PLA2G6: variants seen among roughly 807,000 people sequenced by gnomAD.
The protein encoded by PLA2G6 is 85/88 kDa calcium-independent phospholipase A2.
A neutral mutation model predicts 83.8 loss-of-function variants in PLA2G6; 62 were observed. The ratio of observed to expected loss-of-function variants is 0.74; its 90% confidence interval spans 0.60 to 0.91. The LOEUF (loss-of-function observed/expected upper bound fraction) is 0.91, where lower values mean the gene tolerates loss of function less well. Ranked by LOEUF, PLA2G6 falls within the 40% of genes least tolerant of loss-of-function variation. PLA2G6 has a pLI of 0.00. For missense variants in PLA2G6, 944 were observed against 1,102.0 expected, an observed-to-expected ratio of 0.86 and a Z score of 2.03; for synonymous variants, 417 against 449.8, an observed-to-expected ratio of 0.93 and a Z score of 0.92.
intron 10 of PLA2G6, chr22:38,125,664 T>G: frequency 2.1e-6 from 1 of 470,620 alleles, no homozygotes; most frequent in Non-Finnish European, 4.4e-6. Flanking sequence ...GCAAGTCACT[T>G]CACCTCTCAG....
Position 38,143,061 on chromosome 22 carries a change from C to T in PLA2G6, c.609+44G>A, listed in dbSNP as rs377725147. 1.6e-4 allele frequency: 249 copies of T among 1,576,094 alleles called. No homozygotes were observed. In the African/African-American group the frequency reaches 1.8e-3, roughly 11 times the overall value. On this transcript the variant is annotated intron_variant, in intron 4 of 16. Transcript: ENST00000332509. ...GGGGCCCAAAGGGAACCGTGGACAC[C>T]GGGAGGTATCAGTACCAGTCACCCT...
rs1477542238 is a variant in PLA2G6, at chr22:38,113,566, A to ACAT, written c.2120_2122dup (p.Asp707dup). 1 of 1,613,916 alleles carries ACAT rather than the reference A, an allele frequency of 6.2e-7. No individual in the cohort carries two copies. Among genetic ancestry groups the ACAT allele is most frequent in the African/African-American group, 1.3e-5 (1 of 74,932 alleles). ...CTCCCAGGGGTTGCTGGGACGGAAG[A>ACAT]CATCCACACAGGTCACAGGCACTTG... On this transcript the variant is annotated inframe_insertion, in exon 15 of 17. Transcript: ENST00000332509.
At chr22:38,159,372 C>A (rs1219061676) in intron 2 of PLA2G6, among the ~76,000 whole-genome samples, 1 of 152,142 alleles carries the variant, frequency 6.6e-6, no homozygotes, top group Non-Finnish European at 1.5e-5. Context: ...GTTTTAAAAG[C>A]TTCCCACAAA....
intron 1 of PLA2G6, among the ~76,000 whole-genome samples, chr22:38,180,775 G>C (rs977720754): frequency 2.6e-5 from 4 of 152,150 alleles, no homozygotes; most frequent in African/African-American, 7.2e-5. Context: ...GCAGACTTAC[G>C]AGGGCAGGAG....
At chr22:38,115,457 G>T in intron 14 of PLA2G6, 70 bp downstream of exon 14, 1 of 1,470,168 alleles carries the variant, frequency 6.8e-7, no homozygotes, top group Non-Finnish European at 9.5e-7. Context: ...TCGGTCCCTA[G>T]CATGGTTTGC....
chr22:38,171,824 A>G, intron 1 of PLA2G6, among the ~76,000 whole-genome samples: 1 of 108,768 alleles, frequency 9.2e-6, no homozygotes, highest in Non-Finnish European at 1.9e-5. Context: ...TCCGTCTCAG[A>G]AAAAAAAAAA....
At chr22:38,145,846 T>C (rs906893976) in intron 2 of PLA2G6, 193 bp from the exon 3 acceptor site, 9 of 541,590 alleles carry the variant, frequency 1.7e-5, no homozygotes, top group Non-Finnish European at 2.9e-5. Context: ...CCTATACACA[T>C]GTAAATGACA....
chr22:38,115,951 C>G, intron 13 of PLA2G6, 124 bp downstream of exon 13: 1 of 1,481,730 alleles, frequency 6.7e-7, no homozygotes, highest in Non-Finnish European at 9.3e-7. Context: ...CAATAAAGAC[C>G]AGTGCAGCGG....
chr22:38,113,452 G>A (rs1343867930), intron 15 of PLA2G6, 35 bp downstream of exon 15: 2 of 1,607,858 alleles, frequency 1.2e-6, no homozygotes, highest in African/African-American at 2.7e-5. Context: ...TACAGACCCT[G>A]AGGGAAGTGG....
At position 38,164,200 on chromosome 22, in the gene PLA2G6, G is replaced by GC. The variant is rs977225440; in HGVS notation, c.209+5017dup. Among the ~76,000 whole-genome samples the GC allele has an allele frequency of 6.4e-4, 97 of 152,256 alleles. 1 individual carries two copies. The highest frequency in any genetic ancestry group is 1.6e-3 in the Admixed American group (24 of 15,294). On this transcript the variant is annotated intron_variant, in intron 2 of 16. Coordinates refer to ENST00000332509, the MANE Select transcript of PLA2G6 (RefSeq NM_003560.4). ...GGGGGCTCACACGGGGAGAGCCAGG[G>GC]CCCCCGCACCATAGGTCAGGCAGGA... is the stretch of plus-strand genomic sequence containing the variant.
chr22:38,125,956 G>A (rs1416272741), intron 10 of PLA2G6, among the ~76,000 whole-genome samples: 1 of 152,208 alleles, frequency 6.6e-6, no homozygotes, highest in Admixed American at 6.5e-5. Context: ...GTATACAGCA[G>A]GTGCTGGGGA....
intron 10 of PLA2G6, chr22:38,125,578 C>A: frequency 1.4e-5 from 6 of 441,328 alleles, no homozygotes; most frequent in Non-Finnish European, 4.7e-6. Context: ...AGAGAGCCTG[C>A]GGTAGCACAA....
rs545560908 is a variant in PLA2G6, at chr22:38,178,586, C to T, written c.-46+3078G>A. On this transcript the variant is annotated intron_variant, in intron 1 of 16. Coordinates refer to ENST00000332509, the MANE Select transcript of PLA2G6 (RefSeq NM_003560.4). ...ACCCTGTCTTAAAACAAAACAAGGC[C>T]GGGCGCGGTGGCTCACACCAGTAAT... 7.8e-4 allele frequency among the ~76,000 whole-genome samples: 119 copies of T among 152,054 alleles called. 1 individual carries two copies. The highest frequency in any genetic ancestry group is 3.4e-3 in the Middle Eastern group (1 of 292).
At chr22:38,113,207 G>A (rs2086986668) in intron 15 of PLA2G6, among the ~76,000 whole-genome samples, 1 of 152,170 alleles carries the variant, frequency 6.6e-6, no homozygotes, top group South Asian at 2.1e-4. Context: ...GCCCGCTCTG[G>A]AGCCTTTGTC....
chr22:38,162,647 G>A (rs2090064389), intron 2 of PLA2G6, among the ~76,000 whole-genome samples: 1 of 152,176 alleles, frequency 6.6e-6, no homozygotes, highest in Admixed American at 6.6e-5. Context: ...CAGAGGCAAC[G>A]CTGAGTCAGG....
At chr22:38,119,979 T>TG (rs11441204) in intron 12 of PLA2G6, among the ~76,000 whole-genome samples, 64,165 of 148,514 alleles carry the variant, frequency 0.43, 14,004 homozygotes, top group South Asian at 0.58. Flanking sequence ...AGCCACAGAG[T>TG]GGGAAAAAAG....
chr22:38,116,115 G>A lies in PLA2G6; in HGVS notation c.1839C>T (p.Phe613=). 1.2e-6 allele frequency: 2 copies of A among 1,614,128 alleles called. No individual in the cohort carries two copies. The highest frequency in any genetic ancestry group is 1.1e-5 in the South Asian group (1 of 91,076). ...DAPETVREPR[F]NQNVNLRPPA... ...GAGGCCTGAGGTTAACGTTCTGGTT[G>A]AAACGAGGCTCCCGGACAGTTTCTG... is the stretch of plus-strand genomic sequence containing the variant. The change falls in exon 13 of 17, where the codon TTC becomes TTT. Residue 613 remains phenylalanine (F), a synonymous_variant. Coordinates refer to ENST00000332509, the MANE Select transcript of PLA2G6 (RefSeq NM_003560.4).
In PLA2G6 at chr22:38,128,361, TG is replaced by T; in HGVS notation, c.1255del (p.His419ThrfsTer28). 3.1e-6 allele frequency: 5 copies of T among 1,613,464 alleles called. No individual in the cohort carries two copies. The highest frequency in any genetic ancestry group is 3.4e-6 in the Non-Finnish European group (4 of 1,179,750). ...AGAGCCCTGCTCCGCGGGGACCCCG[TG>T]GATGGGTGGGAAGCAGTATTCGGCC... ...VGAEYCFPPI[H>X]GVPAEQGSAA... On this transcript the variant is annotated frameshift_variant, in exon 9 of 17. Coordinates refer to ENST00000332509, the MANE Select transcript of PLA2G6 (RefSeq NM_003560.4). LOFTEE classifies it high-confidence loss of function. The surrounding 1 kb of genome is among the most constrained non-coding windows in gnomAD (Gnocchi z 4.4).
Position 38,120,861 on chromosome 22 carries a change from T to G in PLA2G6, c.1640A>C (p.Glu547Ala), listed in dbSNP as rs1060499764. The G allele has an allele frequency of 6.2e-7, 1 of 1,613,824 alleles. No individual in the cohort carries two copies. The highest frequency in any genetic ancestry group is 8.5e-7 in the Non-Finnish European group (1 of 1,180,004). Residue 547 changes from glutamate to alanine, a missense_variant, in exon 12 of 17, where the codon GAG becomes GCG. Transcript: ENST00000332509. ...GTAGGGCCTGGAGCCCCGGAACACC[T>G]CATCCTTCATGCGAAAGTACATGCC... ...MRGMYFRMKD[E>A]VFRGSRPYES...
Sources: gnomAD v4.1 joint callset for allele counts (sites outside exome capture counted in the v4.1 genomes callset) on GRCh38, gnomAD v4.1.1 for gene constraint, Gnocchi (gnomAD v3.1) non-coding constraint, MANE v1.5 for transcripts, NCBI Gene and HGNC (gene_info 2026-07-23, HGNC 2026-07-21) for gene names.